Variants in DNM3 observed in about 807,000 individuals in gnomAD.
DNM3 encodes dynamin-3.
DNM3 carries 47 observed loss-of-function variants against 101.6 expected under a neutral mutation model. The ratio of observed to expected loss-of-function variants is 0.46; its 90% CI spans 0.37 to 0.59. The LOEUF is 0.59. Among genes scored for constraint, DNM3 ranks in the 20% least tolerant of loss-of-function variants. The pLI is 0.00. For synonymous variants in DNM3, 385 were observed against 387.9 expected, an observed-to-expected ratio of 0.99 and a Z score of 0.09; for missense variants, 849 against 1,085.7, an observed-to-expected ratio of 0.78 and a Z score of 3.06.
chr1:172,217,332 C>G (rs995623255), intron 14 of DNM3, among the ~76,000 whole-genome samples: 1 of 152,104 alleles, frequency 6.6e-6, no homozygotes, highest in Non-Finnish European at 1.5e-5. Context: ...TTCAGAGATC[C>G]AAAAACAACA....
intron 1 of DNM3, among the ~76,000 whole-genome samples, chr1:171,892,212 T>A (rs928813605): frequency 6.6e-6 from 1 of 152,020 alleles, no homozygotes; most frequent in Non-Finnish European, 1.5e-5. Flanking sequence ...ACTTCCTAAT[T>A]TTCTGTCACT....
chr1:171,868,353 A>C (rs1396420255), intron 1 of DNM3, among the ~76,000 whole-genome samples: 1 of 151,814 alleles, frequency 6.6e-6, no homozygotes, highest in East Asian at 1.9e-4. Flanking sequence ...CCAGGCATTC[A>C]TCTTCTCTGT....
chr1:172,187,086 C>A (rs1302583752), intron 14 of DNM3, among the ~76,000 whole-genome samples: 1 of 152,062 alleles, frequency 6.6e-6, no homozygotes, highest in Non-Finnish European at 1.5e-5. Context: ...CTGGAGGGAA[C>A]CTCACAACTT....
chr1:171,878,643 G>A (rs1287163195), intron 1 of DNM3, among the ~76,000 whole-genome samples: 2 of 152,036 alleles, frequency 1.3e-5, no homozygotes, highest in East Asian at 1.9e-4. Flanking sequence ...TTGCTACCCA[G>A]TGGAGAGCCA....
intron 2 of DNM3, among the ~76,000 whole-genome samples, chr1:171,923,613 C>A (rs959482053): frequency 2.0e-5 from 3 of 151,976 alleles, no homozygotes; most frequent in Admixed American, 6.6e-5. Flanking sequence ...TCTATGTTTT[C>A]TTCTAGGAGA....
At chr1:172,031,673 A>G (rs1383017306) in intron 4 of DNM3, among the ~76,000 whole-genome samples, 1 of 152,208 alleles carries the variant, frequency 6.6e-6, no homozygotes, top group African/African-American at 2.4e-5. Flanking sequence ...CAAAATGTCT[A>G]GGTTCTTACA....
chr1:172,293,401 A>G (rs1178867052), intron 15 of DNM3, among the ~76,000 whole-genome samples: 1 of 152,222 alleles, frequency 6.6e-6, no homozygotes, highest in African/African-American at 2.4e-5. Context: ...AATTTCTCAT[A>G]CTTCTTTTTT....
At chr1:172,014,142 G>A (rs560316214) in intron 4 of DNM3, among the ~76,000 whole-genome samples, 3 of 152,034 alleles carry the variant, frequency 2.0e-5, no homozygotes, top group Non-Finnish European at 4.4e-5. Context: ...CCCATCAATC[G>A]AGTGGATAAA....
At chr1:171,964,490 C>T (rs377648778) in intron 2 of DNM3, among the ~76,000 whole-genome samples, 1 of 152,262 alleles carries the variant, frequency 6.6e-6, no homozygotes, top group African/African-American at 2.4e-5. Context: ...AACCAATGTA[C>T]ATCTTACATG....
chr1:172,354,503 C>T (rs537417525), intron 17 of DNM3, among the ~76,000 whole-genome samples: 6 of 152,268 alleles, frequency 3.9e-5, no homozygotes, highest in Admixed American at 6.5e-5. Flanking sequence ...CCTTATCTTC[C>T]TCCTGCTTCT....
chr1:172,364,602 T>A (rs1360042298), intron 17 of DNM3, among the ~76,000 whole-genome samples: 1 of 151,780 alleles, frequency 6.6e-6, no homozygotes, highest in Non-Finnish European at 1.5e-5. Flanking sequence ...AAAATAGCCA[T>A]AACAGAAATA....
At chr1:172,012,671 A>AAGATTT (rs2047208531) in intron 4 of DNM3, among the ~76,000 whole-genome samples, 1 of 151,616 alleles carries the variant, frequency 6.6e-6, no homozygotes, top group African/African-American at 2.4e-5. Flanking sequence ...TTTTTTCTAC[A>AAGATTT]AATATTAAAT....
At chr1:172,219,036 G>A (rs993095657) in intron 14 of DNM3, among the ~76,000 whole-genome samples, 1 of 151,868 alleles carries the variant, frequency 6.6e-6, no homozygotes, top group Non-Finnish European at 1.5e-5. Context: ...AATGTGTTAG[G>A]CATGGTATCT....
chr1:172,067,669 A>G (rs73039324), intron 10 of DNM3, among the ~76,000 whole-genome samples: 2,197 of 152,190 alleles, frequency 0.014, 65 homozygotes, highest in African/African-American at 0.05. Context: ...AAACATTTTC[A>G]TAGCATCCCA....
chr1:172,037,291 T>C (rs1361097181), intron 6 of DNM3, among the ~76,000 whole-genome samples: 1 of 152,204 alleles, frequency 6.6e-6, no homozygotes, highest in African/African-American at 2.4e-5. Flanking sequence ...CATTACTGGG[T>C]ATATACCCAA....
chr1:172,250,603 T>C (rs796429405), intron 14 of DNM3, among the ~76,000 whole-genome samples: 13 of 152,196 alleles, frequency 8.5e-5, no homozygotes, highest in African/African-American at 3.1e-4. Flanking sequence ...GCCAGGGACC[T>C]GGAATAATGT....
intron 14 of DNM3, among the ~76,000 whole-genome samples, chr1:172,175,799 A>T (rs775167108): frequency 8.6e-5 from 13 of 151,830 alleles, no homozygotes; most frequent in Non-Finnish European, 1.9e-4. Flanking sequence ...TTGCTTTATC[A>T]CATATTTGAT....
At chr1:172,198,910 A>G (rs1033117628) in intron 14 of DNM3, among the ~76,000 whole-genome samples, 1 of 151,886 alleles carries the variant, frequency 6.6e-6, no homozygotes, top group South Asian at 2.1e-4. Flanking sequence ...AATTTCCTTC[A>G]GTTAAGCTTT....
intron 12 of DNM3, 80 bp from the exon 13 acceptor site, chr1:172,092,744 T>C: frequency 7.1e-7 from 1 of 1,402,722 alleles, no homozygotes; most frequent in Non-Finnish European, 9.7e-7. Context: ...TTAAAGCCTG[T>C]ATAAATTTTA....
Sources: allele counts gnomAD v4.1 joint callset (sites outside exome capture counted in the v4.1 genomes callset), GRCh38; gene constraint gnomAD v4.1.1; transcripts MANE v1.5; gene names NCBI Gene and HGNC (gene_info 2026-07-23, HGNC 2026-07-21).